RNF150: variants seen among roughly 807,000 people sequenced by gnomAD.
RNF150 encodes the protein ring finger protein 150.
RNF150 carries 24 observed loss-of-function variants against 39.3 expected under a neutral mutation model. The ratio of observed to expected loss-of-function variants is 0.61; its 90% CI spans 0.44 to 0.86. The LOEUF (loss-of-function observed/expected upper bound fraction) is 0.86, where lower values mean the gene tolerates loss of function less well. RNF150 is among the 40% of genes least tolerant of loss of function. The pLI, the probability that RNF150 is intolerant of heterozygous loss-of-function variation, is 0.00. For missense variants in RNF150, 502 were observed against 587.8 expected (o/e 0.85, Z 1.51); for synonymous variants, 255 against 227.3 (o/e 1.12, Z -1.10).
At chr4:141,159,756 C>G (rs967100046) in intron 1 of RNF150, among the ~76,000 whole-genome samples, 1 of 152,130 alleles carries the variant, frequency 6.6e-6, no homozygotes, top group Admixed American at 6.6e-5. Flanking sequence ...TTTGCCCAGG[C>G]TGATCTCCAA....
chr4:140,903,774 G>A (rs568848246), intron 6 of RNF150, among the ~76,000 whole-genome samples: 5 of 152,340 alleles, frequency 3.3e-5, no homozygotes, highest in Admixed American at 1.3e-4. Flanking sequence ...TGTTGGCTGA[G>A]TTACTTCAGT....
chr4:141,130,346 T>A, intron 1 of RNF150, among the ~76,000 whole-genome samples: 1 of 151,806 alleles, frequency 6.6e-6, no homozygotes, highest in East Asian at 1.9e-4. Flanking sequence ...TGGAGTTTCC[T>A]GGCCATTGGC....
At chr4:141,165,343 A>G (rs1208617947) in intron 1 of RNF150, among the ~76,000 whole-genome samples, 1 of 152,212 alleles carries the variant, frequency 6.6e-6, no homozygotes, top group Non-Finnish European at 1.5e-5. Flanking sequence ...CCACGCAATA[A>G]TAGTGGGAGA....
intron 5 of RNF150, among the ~76,000 whole-genome samples, chr4:140,916,581 G>C (rs1259782197): frequency 6.6e-6 from 1 of 152,168 alleles, no homozygotes; most frequent in African/African-American, 2.4e-5. Flanking sequence ...GTACCTGAAA[G>C]TGACGGGGAG....
intron 2 of RNF150, among the ~76,000 whole-genome samples, chr4:140,957,498 C>T (rs1371618674): frequency 6.6e-6 from 1 of 152,198 alleles, no homozygotes; most frequent in Non-Finnish European, 1.5e-5. Context: ...TGTGGCGATT[C>T]CTCAGGGATC....
intron 1 of RNF150, among the ~76,000 whole-genome samples, chr4:141,166,568 G>A (rs926866002): frequency 6.6e-6 from 1 of 152,268 alleles, no homozygotes; most frequent in African/African-American, 2.4e-5. Context: ...ACCAAATCCA[G>A]CAGCAAATCA....
At chr4:141,025,850 T>C (rs1464320516) in intron 1 of RNF150, among the ~76,000 whole-genome samples, 1 of 152,202 alleles carries the variant, frequency 6.6e-6, no homozygotes. Context: ...AGACTGAATG[T>C]TTGTGTCCTC....
At chr4:140,892,136 A>G (rs1163746061) in intron 6 of RNF150, among the ~76,000 whole-genome samples, 4 of 151,808 alleles carry the variant, frequency 2.6e-5, no homozygotes, top group Non-Finnish European at 5.9e-5. Flanking sequence ...TATTGGTACT[A>G]TTTTCTACTG....
Position 140,862,675 on chromosome 4 carries a change from C to G in RNF150, c.*5586G>C, listed in dbSNP as rs1160173861. The G allele has an allele frequency of 6.6e-6, 1 of 152,142 alleles. No individual in the cohort carries two copies. The highest frequency in any genetic ancestry group is 2.4e-5 in the African/African-American group (1 of 41,430). 9.4% of individuals were successfully genotyped at this position (152,142 alleles called of 1,614,324 possible). On this transcript the variant is annotated 3_prime_UTR_variant, in exon 7 of 7. Transcript: ENST00000515673. ...AAGAGCTAAGGGATGATGAGAAACT[C>G]ATATTAGCTTCTTAGAATTAATTTA...
intron 5 of RNF150, among the ~76,000 whole-genome samples, chr4:140,920,922 T>C (rs1449030297): frequency 6.6e-6 from 1 of 151,590 alleles, no homozygotes; most frequent in Non-Finnish European, 1.5e-5. Context: ...TCATTCTGAG[T>C]AAACTATCAC....
chr4:141,044,203 A>G (rs1456756572), intron 1 of RNF150, among the ~76,000 whole-genome samples: 3 of 152,192 alleles, frequency 2.0e-5, no homozygotes. Flanking sequence ...GCACATACAC[A>G]TATAATGTTA....
At chr4:140,944,146 C>G (rs1560979955) in intron 4 of RNF150, among the ~76,000 whole-genome samples, 1 of 152,174 alleles carries the variant, frequency 6.6e-6, no homozygotes, top group East Asian at 1.9e-4. Flanking sequence ...CTAACTTACT[C>G]TCCGTGCAAG....
At chr4:141,040,906 A>AT (rs1006532429) in intron 1 of RNF150, among the ~76,000 whole-genome samples, 1 of 152,182 alleles carries the variant, frequency 6.6e-6, no homozygotes, top group Non-Finnish European at 1.5e-5. Flanking sequence ...TTCATGATAG[A>AT]TTTTTATCAT....
chr4:140,912,679 C>G (rs1310200391), intron 5 of RNF150, among the ~76,000 whole-genome samples: 1 of 152,186 alleles, frequency 6.6e-6, no homozygotes, highest in Admixed American at 6.5e-5. Flanking sequence ...AGAGCTCTAC[C>G]ATTCCATAAA....
chr4:140,874,726 C>G (rs1380361589), intron 6 of RNF150, among the ~76,000 whole-genome samples: 3 of 152,318 alleles, frequency 2.0e-5, no homozygotes, highest in African/African-American at 7.2e-5. Flanking sequence ...ATTCTTCTGC[C>G]TCAGCCTCCT....
intron 1 of RNF150, among the ~76,000 whole-genome samples, chr4:141,203,742 C>G (rs932910043): frequency 3.6e-5 from 5 of 140,490 alleles, no homozygotes; most frequent in African/African-American, 1.3e-4. Context: ...AGAGAAAAGT[C>G]CCCCTGAGAA....
At chr4:140,955,068 G>A (rs1001204814) in intron 2 of RNF150, among the ~76,000 whole-genome samples, 16 of 152,156 alleles carry the variant, frequency 1.1e-4, no homozygotes, top group Non-Finnish European at 2.1e-4. Context: ...GTTGGTCCCA[G>A]TTGTCTAAAA....
intron 6 of RNF150, among the ~76,000 whole-genome samples, chr4:140,894,494 C>A (rs1729868205): frequency 6.6e-6 from 1 of 152,076 alleles, no homozygotes; most frequent in Admixed American, 6.6e-5. Context: ...GGGATGATTA[C>A]TGATGTTTAT....
chr4:141,071,148 C>T (rs372903509), intron 1 of RNF150, among the ~76,000 whole-genome samples: 39 of 138,854 alleles, frequency 2.8e-4, no homozygotes, highest in Admixed American at 8.8e-4. Flanking sequence ...AACCAAACAC[C>T]GCATATTCTC....
Sources: allele counts gnomAD v4.1 joint callset (sites outside exome capture counted in the v4.1 genomes callset), GRCh38; gene constraint gnomAD v4.1.1; transcripts MANE v1.5; gene names NCBI Gene and HGNC (gene_info 2026-07-23, HGNC 2026-07-21).